TMCO5A: variants seen among roughly 807,000 people sequenced by gnomAD.
The protein encoded by TMCO5A is transmembrane and coiled-coil domains 5A.
In TMCO5A, 34 loss-of-function variants were observed where a neutral mutation model predicts 42.3. The ratio of observed to expected loss-of-function variants is 0.80; its 90% confidence interval spans 0.61 to 1.07. The LOEUF (loss-of-function observed/expected upper bound fraction) is 1.07. Ranked by LOEUF, TMCO5A falls within the 50% of genes least tolerant of loss-of-function variation. TMCO5A has a pLI of 0.00. For synonymous variants in TMCO5A, 131 were observed against 115.6 expected (o/e 1.13, Z -0.86); for missense variants, 357 against 327.9 (o/e 1.09, Z -0.69).
the TMCO5A span, among the ~76,000 whole-genome samples, chr15:38,005,264 G>T: frequency 2.2e-5 from 2 of 89,318 alleles, no homozygotes; most frequent in Non-Finnish European, 5.1e-5. Context: ...GTACTTGACA[G>T]AAAAAAAAAA....
the TMCO5A span, among the ~76,000 whole-genome samples, chr15:38,017,126 T>C: frequency 1.0e-3 from 155 of 152,176 alleles, no homozygotes; most frequent in Middle Eastern, 3.4e-3. Context: ...CATAAAAAAA[T>C]ACTAATAAAT....
At position 37,937,375 on chromosome 15, in the gene TMCO5A, T is replaced by C. The variant is rs756060362; in HGVS notation, c.294T>C (p.Ser98=). The C allele has an allele frequency of 1.2e-6, 2 of 1,613,106 alleles. No homozygotes were observed. Among genetic ancestry groups the C allele is most frequent in the East Asian group, 4.5e-5 (2 of 44,824 alleles). The change falls in exon 5 of 12, where the codon AGT becomes AGC. Residue 98 remains serine, a synonymous_variant. Coordinates refer to ENST00000319669, the MANE Select transcript of TMCO5A (RefSeq NM_152453.4). ...GGAAGAATAAGACGTTGGTCCACAG[T>C]ATAACAGAACTTCAACAAAAGGTGA... ...LERKNKTLVH[S]ITELQQKLTR...
At chr15:37,952,164 C>T (rs539899642), downstream of TMCO5A, among the ~76,000 whole-genome samples, 4 of 152,194 alleles carry the variant, frequency 2.6e-5, no homozygotes, top group South Asian at 6.2e-4. Context: ...CTTATATAAA[C>T]TTGAAATTCC....
At chr15:37,948,556 A>C (rs1890043957) in intron 11 of TMCO5A, among the ~76,000 whole-genome samples, 1 of 152,046 alleles carries the variant, frequency 6.6e-6, no homozygotes, top group Admixed American at 6.6e-5. Context: ...TAGAACTCCT[A>C]GTTTGTTCTC....
chr15:37,964,244 C>T (rs915809333), intron 11 of TMCO5A, among the ~76,000 whole-genome samples: 2 of 152,118 alleles, frequency 1.3e-5, no homozygotes, highest in Non-Finnish European at 2.9e-5. Context: ...TTCCTGTGAG[C>T]AGAACTGCAG....
chr15:37,998,693 T>C, the TMCO5A span, among the ~76,000 whole-genome samples: 1 of 152,144 alleles, frequency 6.6e-6, no homozygotes, highest in South Asian at 2.1e-4. Context: ...TCTTTTGTGG[T>C]TCCATATAAA....
At chr15:37,996,006 T>C in the TMCO5A span, among the ~76,000 whole-genome samples, 1 of 152,186 alleles carries the variant, frequency 6.6e-6, no homozygotes. Flanking sequence ...AAGGCATCAC[T>C]TACCTAGGGG....
At chr15:38,007,872 CTTTTTTTTTTTTTTTTTTTTTT>C in the TMCO5A span, among the ~76,000 whole-genome samples, 28 of 47,412 alleles carry the variant, frequency 5.9e-4, no homozygotes, top group African/African-American at 1.9e-3. Context: ...CTCACCCACA[CTTTTTTTTTTTTTTTTTTTTTT>C]TTTTTTTTTT....
the TMCO5A span, among the ~76,000 whole-genome samples, chr15:37,982,431 C>T: frequency 1.3e-5 from 1 of 77,252 alleles, no homozygotes; most frequent in African/African-American, 1.3e-4. Context: ...TTATATATTA[C>T]AATTATATAC....
chr15:38,036,194 A>C, the TMCO5A span, among the ~76,000 whole-genome samples: 1 of 152,168 alleles, frequency 6.6e-6, no homozygotes, highest in South Asian at 2.1e-4. Context: ...CAAGAGCTTC[A>C]TACCCAGGTC....
the TMCO5A span, among the ~76,000 whole-genome samples, chr15:38,039,056 GT>G: frequency 6.6e-6 from 1 of 152,220 alleles, no homozygotes; most frequent in Non-Finnish European, 1.5e-5. Context: ...GACAAGGACA[GT>G]CAAGAGATTC....
chr15:38,035,979 T>G, the TMCO5A span, among the ~76,000 whole-genome samples: 1 of 152,158 alleles, frequency 6.6e-6, no homozygotes, highest in Non-Finnish European at 1.5e-5. Context: ...CCAGCTAAAC[T>G]TCTATCTTCT....
downstream of TMCO5A, among the ~76,000 whole-genome samples, chr15:37,955,113 G>A (rs980713992): frequency 9.9e-5 from 15 of 151,940 alleles, no homozygotes; most frequent in Non-Finnish European, 1.5e-4. Flanking sequence ...AACATTGAAT[G>A]TAAGTGGACT....
At position 37,934,744 on chromosome 15, in the gene TMCO5A, G is replaced by A. The variant is rs537031628; in HGVS notation, c.-103+50G>A. ...GGGAAAAAAAGAAACTAAGGGGAAGGGAGAGACAAATGATTTACATATACT... is the reference window on the plus strand; with the variant it reads ...GGGAAAAAAAGAAACTAAGGGGAAGAGAGAGACAAATGATTTACATATACT... On this transcript the variant is annotated intron_variant, in intron 1 of 11. Coordinates refer to ENST00000319669, the MANE Select transcript of TMCO5A (RefSeq NM_152453.4). 5 of 152,186 alleles carry A rather than the reference G, an allele frequency of 3.3e-5. 1 individual carries two copies. The highest frequency in any genetic ancestry group is 3.3e-4 in the Admixed American group (5 of 15,270). 9.4% of individuals were successfully genotyped at this position (152,186 alleles called of 1,614,324 possible). A position where few individuals can be genotyped will look rare whatever the true frequency, so the allele number is the denominator to read the frequency against.
chr15:37,964,167 C>A (rs1295996442), intron 11 of TMCO5A, among the ~76,000 whole-genome samples: 1 of 152,124 alleles, frequency 6.6e-6, no homozygotes, highest in African/African-American at 2.4e-5. Context: ...GGCTGTTGTA[C>A]AGATTCTTTT....
chr15:37,937,218 C>G, intron 4 of TMCO5A, 128 bp from the exon 5 acceptor site: 1 of 1,190,676 alleles, frequency 8.4e-7, no homozygotes, highest in African/African-American at 1.5e-5. Context: ...TCAATATACA[C>G]ATGACATTAT....
intron 5 of TMCO5A, 90 bp from the exon 6 acceptor site, chr15:37,938,067 TA>T: frequency 9.2e-7 from 1 of 1,085,780 alleles, no homozygotes; most frequent in Non-Finnish European, 1.4e-6. Context: ...GAAAGGTTTA[TA>T]AAGGCCATAG....
Position 37,951,186 on chromosome 15 carries a change from C to A in TMCO5A, c.819C>A (p.Phe273Leu). Residue 273 changes from phenylalanine (F) to leucine (L), a missense_variant, in exon 12 of 12, where the codon TTC (phenylalanine) becomes TTA (leucine). By Grantham distance (22) the Phe-to-Leu change is conservative. Coordinates refer to ENST00000319669, the MANE Select transcript of TMCO5A (RefSeq NM_152453.4). ...GCACCTTGTGGAAGCTCAGATGCTT[C>A]TTCTTTCCATCTCTCACACTTGAGA... ...GRSTLWKLRC[F>L]FFPSLTLETE... is the part of the protein sequence containing the mutation. 1 of 1,613,872 alleles carries A rather than the reference C, an allele frequency of 6.2e-7. No individual in the cohort carries two copies. The highest frequency in any genetic ancestry group is 8.5e-7 in the Non-Finnish European group (1 of 1,179,866).
chr15:37,967,933 G>A (rs1047091665), downstream of TMCO5A, among the ~76,000 whole-genome samples: 2 of 152,008 alleles, frequency 1.3e-5, no homozygotes, highest in Non-Finnish European at 2.9e-5. Context: ...TACACAACGT[G>A]GTCAAGTAAT....
Sources: gnomAD v4.1 joint callset for allele counts (sites outside exome capture counted in the v4.1 genomes callset) on GRCh38, gnomAD v4.1.1 for gene constraint, MANE v1.5 for transcripts, NCBI Gene and HGNC (gene_info 2026-07-23, HGNC 2026-07-21) for gene names.